The following BICD2 variants were observed in gnomAD, a reference collection of about 807,000 sequenced individuals.
BICD2 encodes protein bicaudal D homolog 2.
BICD2 carries 25 observed loss-of-function variants against 72.9 expected under a neutral mutation model. That is an observed-to-expected ratio of 0.34 (90% confidence interval 0.25 to 0.48). The LOEUF (loss-of-function observed/expected upper bound fraction) is 0.48, where lower values mean the gene tolerates loss of function less well. BICD2 is among the 20% of genes least tolerant of loss of function. The pLI, the probability that BICD2 is intolerant of heterozygous loss-of-function variation, is 0.99. For missense variants in BICD2, 894 were observed against 1,175.2 expected, an observed-to-expected ratio of 0.76 and a Z score of 3.50; for synonymous variants, 501 against 516.1, an observed-to-expected ratio of 0.97 and a Z score of 0.40.
chr9:92,714,278 G>C lies in BICD2; in HGVS notation c.*876C>G, dbSNP rs1379138522. The C allele has an allele frequency of 2.0e-6, 2 of 985,416 alleles. No homozygotes were observed. The highest frequency in any genetic ancestry group is 3.5e-5 in the African/African-American group (2 of 57,252). The allele number at this position is 985,416 out of a possible 1,614,324, so 61.0% of individuals were successfully genotyped here. A position where few individuals can be genotyped will look rare whatever the true frequency, so the allele number is the denominator to read the frequency against. ...GGTTTTCAAAGCCCCATGTCTTTGG[G>C]ACTGAACCCCCTATGGAAGGCCGGA... On this transcript the variant is annotated 3_prime_UTR_variant, in exon 7 of 7. Coordinates refer to ENST00000356884, the MANE Select transcript of BICD2 (RefSeq NM_001003800.2).
chr9:92,755,129 C>A (rs1854228656), intron 1 of BICD2, among the ~76,000 whole-genome samples: 1 of 152,146 alleles, frequency 6.6e-6, no homozygotes, highest in South Asian at 2.1e-4. Flanking sequence ...TCTGAACTGG[C>A]CCCCCTGGGG....
At chr9:92,754,575 T>A (rs948250666) in intron 1 of BICD2, among the ~76,000 whole-genome samples, 9 of 152,178 alleles carry the variant, frequency 5.9e-5, no homozygotes, top group African/African-American at 2.2e-4. Context: ...GAGATGCCAT[T>A]ATCTGTTATG....
At chr9:92,758,069 T>G (rs1340626641) in intron 1 of BICD2, among the ~76,000 whole-genome samples, 1 of 151,846 alleles carries the variant, frequency 6.6e-6, no homozygotes, top group East Asian at 1.9e-4. Context: ...CCGGGCGTGG[T>G]GGTGGGCTCC....
At position 92,764,235 on chromosome 9, in the gene BICD2, G is replaced by A. The variant is rs1423944959; in HGVS notation, c.240+270C>T. On this transcript the variant is annotated intron_variant, in intron 1 of 6. Transcript: ENST00000356884. This position sits in a 1 kb window ranked among gnomAD's most constrained non-coding sequence, Gnocchi z 5.5. ...TACGAAGCCCCGCCCCGCCGGGGCC[G>A]CCCAGGTCCGCACAGAAGCAGGCGG... Among the ~76,000 whole-genome samples, 3 of 150,418 alleles carry A rather than the reference G, an allele frequency of 2.0e-5. No individual in the cohort carries two copies. The South Asian group carries it at 6.5e-4, about 32-fold the overall frequency.
At chr9:92,727,869 C>G (rs1006085347) in intron 2 of BICD2, among the ~76,000 whole-genome samples, 1 of 152,192 alleles carries the variant, frequency 6.6e-6, no homozygotes, top group Non-Finnish European at 1.5e-5. Context: ...GTGAACATGC[C>G]CCTGCCCCAG....
At position 92,759,091 on chromosome 9, in the gene BICD2, A is replaced by G. The variant is rs909036212; in HGVS notation, c.240+5414T>C. ...TTATTTCATATAGTAACACAACAGTATAAGTTAGAAGTACCACAGAACCTC... is the reference window on the plus strand; with the variant it reads ...TTATTTCATATAGTAACACAACAGTGTAAGTTAGAAGTACCACAGAACCTC... On this transcript the variant is annotated intron_variant, in intron 1 of 6. Coordinates refer to ENST00000356884, the MANE Select transcript of BICD2 (RefSeq NM_001003800.2). 1.2e-4 allele frequency among the ~76,000 whole-genome samples: 18 copies of G among 152,340 alleles called. No homozygotes were observed. In the Middle Eastern group the frequency reaches 0.01, roughly 86 times the overall value.
rs968109254 is a variant in BICD2, at chr9:92,712,211, T to A, written c.*2943A>T. 6.6e-6 allele frequency: 1 copy of A among 152,660 alleles called. No individual in the cohort carries two copies. The highest frequency in any genetic ancestry group is 1.5e-5 in the Non-Finnish European group (1 of 68,036). 9.5% of individuals were successfully genotyped at this position (152,660 alleles called of 1,614,324 possible). On this transcript the variant is annotated 3_prime_UTR_variant, in exon 7 of 7. Transcript: ENST00000356884. ...CCAAAGCACACTCAAGGTTTTGTGT[T>A]TGCTTTCATTTTCTAAGCCCCTGAA...
chr9:92,726,906 C>T (rs561030133), intron 2 of BICD2, among the ~76,000 whole-genome samples: 11 of 152,318 alleles, frequency 7.2e-5, no homozygotes, highest in African/African-American at 2.6e-4. Context: ...TTGGCCTCTG[C>T]CACCAGAGAT....
Position 92,714,700 on chromosome 9 carries a change from A to C in BICD2, c.*454T>G. ...AAAGCCATCCTCTGAGGTCGTACCT[A>C]TGCTGCAGGCTGGAACCTCCTAAAA... On this transcript the variant is annotated 3_prime_UTR_variant, in exon 7 of 7. Transcript: ENST00000356884. 1.0e-6 allele frequency: 1 copy of C among 991,502 alleles called. No homozygotes were observed. Among genetic ancestry groups the C allele is most frequent in the Non-Finnish European group, 1.2e-6 (1 of 834,358 alleles). 61.4% of individuals were successfully genotyped at this position (991,502 alleles called of 1,614,324 possible).
Position 92,714,966 on chromosome 9 carries a change from G to A in BICD2, c.*188C>T. On this transcript the variant is annotated 3_prime_UTR_variant, in exon 7 of 7. Transcript: ENST00000356884. ...GACTGGGTGCTCCTGAGGGGGCTTT[G>A]AGGAGTGAGAAGCGACACAAAGCTC... 7.1e-7 allele frequency: 1 copy of A among 1,400,654 alleles called. No homozygotes were observed. Among genetic ancestry groups the A allele is most frequent in the Non-Finnish European group, 9.3e-7 (1 of 1,080,908 alleles). 86.8% of individuals were successfully genotyped at this position (1,400,654 alleles called of 1,614,324 possible). A position where few individuals can be genotyped will look rare whatever the true frequency, so the allele number is the denominator to read the frequency against.
At chr9:92,718,015 C>A in intron 5 of BICD2, 67 bp from the exon 6 acceptor site, 1 of 1,542,816 alleles carries the variant, frequency 6.5e-7, no homozygotes. Flanking sequence ...GCTCTGGGAG[C>A]AGGATCGGGA....
intron 1 of BICD2, among the ~76,000 whole-genome samples, chr9:92,744,087 A>T (rs1221525970): frequency 6.6e-6 from 1 of 152,184 alleles, no homozygotes; most frequent in Non-Finnish European, 1.5e-5. Context: ...CATCCAACAG[A>T]CACAGGCAAC....
rs536283821 is a variant in BICD2, at chr9:92,711,511, T to C, written c.*3643A>G. On this transcript the variant is annotated 3_prime_UTR_variant, in exon 7 of 7. Transcript: ENST00000356884. ...CAATTAATTTCTCCTTCCTATTCCTTTTCCATGCTCTGCCTCATTTTCTCA... is the reference window on the plus strand; with the variant it reads ...CAATTAATTTCTCCTTCCTATTCCTCTTCCATGCTCTGCCTCATTTTCTCA... The C allele has an allele frequency of 1.3e-5, 2 of 152,772 alleles. No individual in the cohort carries two copies. The highest frequency in any genetic ancestry group is 6.5e-5 in the Admixed American group (1 of 15,304). 9.5% of individuals were successfully genotyped at this position (152,772 alleles called of 1,614,324 possible).
intron 1 of BICD2, among the ~76,000 whole-genome samples, chr9:92,761,832 A>G (rs1854378456): frequency 6.6e-6 from 1 of 152,228 alleles, no homozygotes; most frequent in Admixed American, 6.5e-5. Context: ...CAGGCTCAAG[A>G]AATCACTAGC....
Position 92,711,363 on chromosome 9 carries a change from T to C in BICD2, c.*3791A>G, listed in dbSNP as rs187198056. On this transcript the variant is annotated 3_prime_UTR_variant, in exon 7 of 7. Transcript: ENST00000356884. ...TCAGAACAACCACAGAGAACAAACATGTGCTTTGTCTTTTTATTATTCTTT... is the reference window on the plus strand; with the variant it reads ...TCAGAACAACCACAGAGAACAAACACGTGCTTTGTCTTTTTATTATTCTTT... 6 of 152,620 alleles carry C rather than the reference T, an allele frequency of 3.9e-5. No individual in the cohort carries two copies. Among genetic ancestry groups the C allele is most frequent in the African/African-American group, 1.2e-4 (5 of 41,448 alleles). 9.5% of individuals were successfully genotyped at this position (152,620 alleles called of 1,614,324 possible).
intron 1 of BICD2, among the ~76,000 whole-genome samples, chr9:92,730,047 C>T (rs925103281): frequency 1.3e-5 from 2 of 152,196 alleles, no homozygotes; most frequent in East Asian, 1.9e-4. Flanking sequence ...ACACCCCAGG[C>T]GAGTGGCCCA....
At chr9:92,722,074 G>C (rs1171261434) in intron 3 of BICD2, among the ~76,000 whole-genome samples, 1 of 152,230 alleles carries the variant, frequency 6.6e-6, no homozygotes, top group Non-Finnish European at 1.5e-5. Context: ...TGTGGCTCTT[G>C]CAGAGAGAAG....
At position 92,713,499 on chromosome 9, in the gene BICD2, A is replaced by T. The variant is rs149742917; in HGVS notation, c.*1655T>A. Reference sequence around the variant, plus strand: ...GAAAAGAGAGCGTTAGAAAGCGGTCATCTGTCGCTTCCTGTTTATCTGACA... The same window carrying T: ...GAAAAGAGAGCGTTAGAAAGCGGTCTTCTGTCGCTTCCTGTTTATCTGACA... On this transcript the variant is annotated 3_prime_UTR_variant, in exon 7 of 7. Transcript: ENST00000356884. The T allele has an allele frequency of 5.7e-6, 9 of 1,578,724 alleles. No individual in the cohort carries two copies. The East Asian group carries it at 2.1e-4, about 36-fold the overall frequency.
At chr9:92,738,831 C>T (rs1853840387) in intron 1 of BICD2, among the ~76,000 whole-genome samples, 2 of 152,224 alleles carry the variant, frequency 1.3e-5, no homozygotes, top group Admixed American at 1.3e-4. Context: ...GAGAGCCAGC[C>T]GCAGCATTCC....
Sources: gnomAD v4.1 joint callset for allele counts (sites outside exome capture counted in the v4.1 genomes callset) on GRCh38, gnomAD v4.1.1 for gene constraint, Gnocchi (gnomAD v3.1) non-coding constraint, MANE v1.5 for transcripts, NCBI Gene and HGNC (gene_info 2026-07-23, HGNC 2026-07-21) for gene names.